ANK1: variants seen among roughly 807,000 people sequenced by gnomAD.
The protein encoded by ANK1 is ankyrin-1.
A neutral mutation model predicts 210.4 loss-of-function variants in ANK1; 51 were observed. That is an observed-to-expected ratio of 0.24 (90% CI 0.19 to 0.31). ANK1 has a LOEUF of 0.31. Among genes scored for constraint, ANK1 ranks in the 10% least tolerant of loss-of-function variants. The pLI is 1.00. For synonymous variants in ANK1, 967 were observed against 1,025.9 expected, an observed-to-expected ratio of 0.94 and a Z score of 1.10; for missense variants, 2,051 against 2,504.4, an observed-to-expected ratio of 0.82 and a Z score of 3.86.
At chr8:41,855,231 T>C (rs1587442304) in intron 1 of ANK1, among the ~76,000 whole-genome samples, 1 of 152,160 alleles carries the variant, frequency 6.6e-6, no homozygotes, top group South Asian at 2.1e-4. Context: ...ATGAGATGCA[T>C]TGAGAGATAG....
chr8:41,873,748 G>A (rs547149826), intron 1 of ANK1, among the ~76,000 whole-genome samples: 9 of 152,208 alleles, frequency 5.9e-5, no homozygotes, highest in African/African-American at 9.6e-5. Context: ...GGGCCTTGCC[G>A]GCTTCACAGC....
chr8:41,753,692 C>T (rs1166095119), intron 2 of ANK1, among the ~76,000 whole-genome samples: 2 of 152,126 alleles, frequency 1.3e-5, no homozygotes, highest in African/African-American at 4.8e-5. Flanking sequence ...GCCCTCCTCC[C>T]GCCCTCCCAC....
intron 1 of ANK1, among the ~76,000 whole-genome samples, chr8:41,767,472 G>C (rs1202184971): frequency 6.6e-6 from 1 of 151,762 alleles, no homozygotes; most frequent in Non-Finnish European, 1.5e-5. Flanking sequence ...CAAGTTACGC[G>C]GCATCTGGCT....
chr8:41,744,536 CTT>C (rs3063769), intron 2 of ANK1, among the ~76,000 whole-genome samples: 62,299 of 125,076 alleles, frequency 0.5, 16,148 homozygotes, highest in East Asian at 0.74. Context: ...GATTTCTTTT[CTT>C]TTTTTTTTTT....
intron 1 of ANK1, among the ~76,000 whole-genome samples, chr8:41,878,121 T>G (rs185616231): frequency 8.5e-5 from 13 of 152,358 alleles, no homozygotes; most frequent in Admixed American, 7.8e-4. Context: ...AAACCCATTA[T>G]GCGACTTACC....
At chr8:41,825,627 G>A (rs1018752646) in intron 1 of ANK1, among the ~76,000 whole-genome samples, 8 of 152,212 alleles carry the variant, frequency 5.3e-5, no homozygotes, top group South Asian at 4.1e-4. Flanking sequence ...ACTGCACAGC[G>A]TGGTGGGATT....
chr8:41,737,836 G>A (rs1833817279), intron 2 of ANK1, among the ~76,000 whole-genome samples: 1 of 152,184 alleles, frequency 6.6e-6, no homozygotes, highest in Admixed American at 6.5e-5. Flanking sequence ...GGCTGAGGAA[G>A]CACTTGTCTC....
At chr8:41,818,723 A>G (rs1803718004) in intron 1 of ANK1, among the ~76,000 whole-genome samples, 3 of 151,416 alleles carry the variant, frequency 2.0e-5, no homozygotes, top group Non-Finnish European at 1.5e-5. Context: ...GGTTTCAGCA[A>G]TCCTCCTGCC....
At chr8:41,717,940 C>T (rs538283942) in intron 11 of ANK1, among the ~76,000 whole-genome samples, 166 bp downstream of exon 11, 1 of 152,308 alleles carries the variant, frequency 6.6e-6, no homozygotes, top group South Asian at 2.1e-4. Flanking sequence ...AGACTTGACT[C>T]ATGTTCCCTT....
chr8:41,656,858 T>C (rs762478038), intron 42 of ANK1, among the ~76,000 whole-genome samples: 7 of 152,290 alleles, frequency 4.6e-5, no homozygotes, highest in Non-Finnish European at 7.4e-5. Context: ...GCCAGGTTCC[T>C]TGCCAGGGGC....
At chr8:41,786,906 C>G (rs1012141140) in intron 1 of ANK1, among the ~76,000 whole-genome samples, 3 of 152,196 alleles carry the variant, frequency 2.0e-5, no homozygotes, top group African/African-American at 7.2e-5. Flanking sequence ...GAGAAAAGAA[C>G]AAAGGCAGTG....
chr8:41,893,939 C>T (rs1310382525), intron 1 of ANK1, among the ~76,000 whole-genome samples: 1 of 152,164 alleles, frequency 6.6e-6, no homozygotes, highest in Non-Finnish European at 1.5e-5. Flanking sequence ...GGCCCTCTGC[C>T]TCACCAGGCC....
intron 1 of ANK1, among the ~76,000 whole-genome samples, chr8:41,841,831 G>C (rs1474133439): frequency 6.6e-6 from 1 of 152,210 alleles, no homozygotes; most frequent in Non-Finnish European, 1.5e-5. Flanking sequence ...CCGGAGACAT[G>C]GTCCTAACTG....
Position 41,668,438 on chromosome 8 carries a change from C to T in ANK1, c.5223G>A (p.Gly1741=), listed in dbSNP as rs145473653. The change falls in exon 39 of 43, where the codon GGG becomes GGA. Residue 1741 remains glycine, a synonymous_variant. Transcript: ENST00000289734. ...SFQGTSTMTE[G]LEPGGSQEYE... is the part of the protein sequence containing the mutation. The stretch of plus-strand genomic sequence containing the variant: ...ACTCCTGAGATCCACCGGGCTCTAG[C>T]CCTTCAGTCATGGTACTTGTTCCCT... 1.2e-5 allele frequency: 20 copies of T among 1,614,222 alleles called. No individual in the cohort carries two copies. In the African/African-American group the frequency reaches 2.7e-4, roughly 22 times the overall value.
At chr8:41,711,159 C>T (rs985992661) in intron 16 of ANK1, among the ~76,000 whole-genome samples, 2 of 152,102 alleles carry the variant, frequency 1.3e-5, no homozygotes, top group Admixed American at 6.5e-5. Context: ...GGTGCGATGC[C>T]GCAGATCCAG....
intron 1 of ANK1, among the ~76,000 whole-genome samples, chr8:41,761,371 G>GCGCA (rs1554603465): frequency 6.6e-6 from 1 of 150,622 alleles, no homozygotes. Context: ...AGACCTGTGT[G>GCGCA]CACACACACA....
intron 1 of ANK1, among the ~76,000 whole-genome samples, chr8:41,848,612 G>T (rs1184819203): frequency 6.6e-6 from 1 of 152,242 alleles, no homozygotes; most frequent in Non-Finnish European, 1.5e-5. Flanking sequence ...AACACTGGGA[G>T]TTGGGGGATA....
chr8:41,808,664 T>TA (rs1418824547), intron 1 of ANK1, among the ~76,000 whole-genome samples: 2 of 152,010 alleles, frequency 1.3e-5, no homozygotes, highest in Non-Finnish European at 2.9e-5. Context: ...AGACTCTGTC[T>TA]AAAAAAATAA....
chr8:41,795,881 G>C (rs1848645836), intron 1 of ANK1, among the ~76,000 whole-genome samples: 1 of 152,136 alleles, frequency 6.6e-6, no homozygotes, highest in Non-Finnish European at 1.5e-5. Flanking sequence ...ACAATACCGT[G>C]TACATTTCAA....
Sources: gnomAD v4.1 joint callset for allele counts (sites outside exome capture counted in the v4.1 genomes callset) on GRCh38, gnomAD v4.1.1 for gene constraint, MANE v1.5 for transcripts, NCBI Gene and HGNC (gene_info 2026-07-23, HGNC 2026-07-21) for gene names.